The following NUDT3 variants were observed in gnomAD, a reference collection of about 807,000 sequenced individuals.
NUDT3 encodes diphosphoinositol polyphosphate phosphohydrolase 1.
NUDT3 carries 9 observed loss-of-function variants against 23.6 expected under a neutral mutation model. The observed-to-expected ratio is 0.38, with a 90% confidence interval of 0.23 to 0.66. The LOEUF is 0.66. NUDT3 is among the 30% of genes least tolerant of loss of function. The probability of loss-of-function intolerance (pLI) is 0.52; values close to 1 mark genes in which losing one functional copy is unlikely to be tolerated. For synonymous variants in NUDT3, 86 were observed against 82.6 expected, an observed-to-expected ratio of 1.04 and a Z score of -0.22; for missense variants, 172 against 218.5, an observed-to-expected ratio of 0.79 and a Z score of 1.34.
intron 2 of NUDT3, among the ~76,000 whole-genome samples, chr6:34,324,872 C>A (rs529906903): frequency 6.6e-5 from 10 of 151,860 alleles, no homozygotes; most frequent in South Asian, 2.1e-4. Flanking sequence ...GAGAGAGAGG[C>A]GGTTCTACTA....
intron 1 of NUDT3, among the ~76,000 whole-genome samples, chr6:34,390,415 T>C (rs1486459376): frequency 6.6e-6 from 1 of 152,086 alleles, no homozygotes; most frequent in South Asian, 2.1e-4. Context: ...GTTGCTAATG[T>C]CAGTGCATAA....
chr6:34,346,271 C>T (rs1159405809), intron 1 of NUDT3, among the ~76,000 whole-genome samples: 2 of 152,020 alleles, frequency 1.3e-5, no homozygotes, highest in Admixed American at 6.6e-5. Flanking sequence ...TATCCAACTA[C>T]AAAAAGATTC....
At chr6:34,353,505 G>A (rs974863905) in intron 1 of NUDT3, among the ~76,000 whole-genome samples, 13 of 149,164 alleles carry the variant, frequency 8.7e-5, no homozygotes, top group Non-Finnish European at 1.5e-4. Context: ...GGGTTCAAAC[G>A]ATTCTCTTAC....
At chr6:34,293,094 ACT>A (rs1763447994) in intron 4 of NUDT3, among the ~76,000 whole-genome samples, 1 of 151,958 alleles carries the variant, frequency 6.6e-6, no homozygotes, top group Admixed American at 6.6e-5. Flanking sequence ...ACAGAGTCTC[ACT>A]CTGTTGCCTA....
rs766763668 is a variant in NUDT3 at position 34,288,835 on chromosome 6, C to T, written c.437G>A (p.Gly146Asp). 2 of 1,613,992 alleles carry T rather than the reference C, an allele frequency of 1.2e-6. No individual in the cohort carries two copies. The highest frequency in any genetic ancestry group is 2.7e-5 in the African/African-American group (2 of 74,896). Residue 146 changes from glycine to aspartate, a missense_variant, in exon 5 of 5, where the codon GGC (glycine) becomes GAC (aspartate). Around this residue, in one of 3 missense-constraint regions of NUDT3, gnomAD observed 63 missense variants for 64.9 expected, o/e 0.97. Transcript: ENST00000607016. ...TGGGGTGCCATTGTTGGCTGAGTAG[C>T]CTTGCCTCAATGTTTCAAAATATGA... ...QASYFETLRQ[G>D]YSANNGTPVV...
chr6:34,287,284 TAC>T lies in NUDT3; in HGVS notation c.*1467_*1468del, dbSNP rs1233749418. 6.6e-6 allele frequency: 1 copy of T among 151,960 alleles called. No homozygotes were observed. Among genetic ancestry groups the T allele is most frequent in the Non-Finnish European group, 1.5e-5 (1 of 68,022 alleles). 9.4% of individuals were successfully genotyped at this position (151,960 alleles called of 1,614,324 possible). ...CTTGGCTAAGGAGATGCCACTGGAG[TAC>T]AGAGATAATCTCCTGTCTTAAGCCA... On this transcript the variant is annotated 3_prime_UTR_variant, in exon 5 of 5. Transcript: ENST00000607016.
intron 2 of NUDT3, among the ~76,000 whole-genome samples, chr6:34,296,501 G>T (rs529239081): frequency 1.5e-4 from 22 of 151,320 alleles, no homozygotes; most frequent in African/African-American, 4.9e-4. Flanking sequence ...TTGGGTCCAG[G>T]AGGTGGAGGC....
chr6:34,354,178 A>G (rs1354660674), intron 1 of NUDT3, among the ~76,000 whole-genome samples: 1 of 151,618 alleles, frequency 6.6e-6, no homozygotes, highest in Admixed American at 6.6e-5. Flanking sequence ...TCGGCTTCCC[A>G]AAGTGCTGGG....
At chr6:34,383,874 G>GA (rs901196427) in intron 1 of NUDT3, among the ~76,000 whole-genome samples, 19 of 152,020 alleles carry the variant, frequency 1.2e-4, no homozygotes, top group Admixed American at 4.6e-4. Context: ...GAAAGCAGGG[G>GA]AAAAAAGCTT....
rs1028727677 is a variant in NUDT3, at chr6:34,282,256, T to G, written c.*6497A>C. 10 of 152,164 alleles carry G rather than the reference T, an allele frequency of 6.6e-5. No individual in the cohort carries two copies. Among genetic ancestry groups the G allele is most frequent in the African/African-American group, 2.4e-4 (10 of 41,418 alleles). 9.4% of individuals were successfully genotyped at this position (152,164 alleles called of 1,614,324 possible). On this transcript the variant is annotated 3_prime_UTR_variant, in exon 5 of 5. Coordinates refer to ENST00000607016, the MANE Select transcript of NUDT3 (RefSeq NM_006703.4). ...AAAGAGGTTAAAGAGGCTACGTGGATCTGTCACTGCTTTAGCTTACCATTT... is the reference window on the plus strand; with the variant it reads ...AAAGAGGTTAAAGAGGCTACGTGGAGCTGTCACTGCTTTAGCTTACCATTT...
intron 1 of NUDT3, among the ~76,000 whole-genome samples, chr6:34,384,605 G>A (rs1259228843): frequency 6.6e-6 from 1 of 152,172 alleles, no homozygotes. Flanking sequence ...TACTTTAGCA[G>A]GGCCAAAGTT....
chr6:34,340,001 A>G (rs1315980284), intron 2 of NUDT3, among the ~76,000 whole-genome samples: 2 of 152,230 alleles, frequency 1.3e-5, no homozygotes, highest in African/African-American at 4.8e-5. Flanking sequence ...AAGCATAAGC[A>G]TACAAAGCAA....
chr6:34,378,691 T>G (rs1764965725), intron 1 of NUDT3, among the ~76,000 whole-genome samples: 1 of 152,194 alleles, frequency 6.6e-6, no homozygotes, highest in Admixed American at 6.5e-5. Flanking sequence ...CACCCATCCC[T>G]TTGGCCTCCT....
chr6:34,387,673 T>TA (rs752125676), intron 1 of NUDT3, among the ~76,000 whole-genome samples: 1,167 of 98,362 alleles, frequency 0.012, 12 homozygotes, highest in African/African-American at 0.024. Flanking sequence ...CATCTCTTTT[T>TA]AAAAAAAAAA....
chr6:34,345,792 G>T (rs1230911945), intron 1 of NUDT3, among the ~76,000 whole-genome samples: 1 of 151,792 alleles, frequency 6.6e-6, no homozygotes, highest in African/African-American at 2.4e-5. Flanking sequence ...TTTTGAGACG[G>T]AGTTTTGCTC....
At chr6:34,351,216 A>AAAAAAAAAAAAC (rs1561915130) in intron 1 of NUDT3, among the ~76,000 whole-genome samples, 2 of 130,826 alleles carry the variant, frequency 1.5e-5, no homozygotes, top group African/African-American at 6.7e-5. Flanking sequence ...AAAAAAAAAA[A>AAAAAAAAAAAAC]AAAAAAAAAA....
chr6:34,382,990 G>A (rs138712891), intron 1 of NUDT3, among the ~76,000 whole-genome samples: 12,586 of 151,668 alleles, frequency 0.083, 699 homozygotes, highest in Non-Finnish European at 0.12. Context: ...AGCTGGGTGC[G>A]GTGGCAGGCA....
In NUDT3 at chr6:34,374,517, G is replaced by A. The variant is rs115872350; in HGVS notation, c.99+17747C>T. Among the ~76,000 whole-genome samples the A allele has an allele frequency of 9.2e-3, 1,392 of 152,058 alleles. 14 individuals carry two copies. The highest frequency in any genetic ancestry group is 0.024 in the Middle Eastern group (7 of 292). ...CATATCAGTCTGTCTTTGTGACGCT[G>A]TTATGATCAGCATCTGATTTTTTTT... On this transcript the variant is annotated intron_variant, in intron 1 of 4. Transcript: ENST00000607016.
In NUDT3 at chr6:34,290,791, G is replaced by GATTATT. The variant is rs534620493; in HGVS notation, c.341-1866_341-1861dup. ...ATATCACTGGACATCAATTGTCTGT[G>GATTATT]ATTATTATTATTATTATTATTGAGA... is the stretch of plus-strand genomic sequence containing the variant. On this transcript the variant is annotated intron_variant, in intron 4 of 4. Transcript: ENST00000607016. Among the ~76,000 whole-genome samples the GATTATT allele has an allele frequency of 4.7e-5, 7 of 148,044 alleles. No individual in the cohort carries two copies. The South Asian group carries it at 6.5e-4, about 14-fold the overall frequency.
Sources: allele counts gnomAD v4.1 joint callset (sites outside exome capture counted in the v4.1 genomes callset), GRCh38; gene constraint gnomAD v4.1.1; regional missense constraint gnomAD v4.1.1; transcripts MANE v1.5; gene names NCBI Gene and HGNC (gene_info 2026-07-23, HGNC 2026-07-21).